DIXDC1: variants seen among roughly 807,000 people sequenced by gnomAD.
DIXDC1 encodes the protein dixin.
Under a neutral mutation model 103.1 loss-of-function variants are expected in DIXDC1, and 64 were observed. That is an observed-to-expected ratio of 0.62 (90% CI 0.51 to 0.76). DIXDC1 has a LOEUF of 0.76. Among genes scored for constraint, DIXDC1 ranks in the 30% least tolerant of loss-of-function variants. The pLI, the probability that DIXDC1 is intolerant of heterozygous loss-of-function variation, is 0.00. For missense variants in DIXDC1, 759 were observed against 834.2 expected (o/e 0.91, Z 1.11); for synonymous variants, 266 against 298.5 (o/e 0.89, Z 1.12).
At chr11:111,972,849 A>C (rs587767962) in intron 3 of DIXDC1, among the ~76,000 whole-genome samples, 1 of 151,882 alleles carries the variant, frequency 6.6e-6, no homozygotes, top group African/African-American at 2.4e-5. Context: ...ACTTGAGGTC[A>C]GGAGTTCAAG....
In DIXDC1 at chr11:112,019,794, A is replaced by C. The variant is rs1861702121; in HGVS notation, c.*758A>C. The stretch of plus-strand genomic sequence containing the variant: ...CTTTAGAGCCATTTCTTTTTCTTCA[A>C]ACTGATGAACTTTTGTTTGAAAGGC... On this transcript the variant is annotated 3_prime_UTR_variant, in exon 20 of 20. Transcript: ENST00000440460. 2 of 152,130 alleles carry C rather than the reference A, an allele frequency of 1.3e-5. No homozygotes were observed. The highest frequency in any genetic ancestry group is 2.9e-5 in the Non-Finnish European group (2 of 68,022). 9.4% of individuals were successfully genotyped at this position (152,130 alleles called of 1,614,324 possible). A position where few individuals can be genotyped will look rare whatever the true frequency, so the allele number is the denominator to read the frequency against.
At chr11:111,969,764 TC>T (rs1859853309) in intron 3 of DIXDC1, among the ~76,000 whole-genome samples, 1 of 152,190 alleles carries the variant, frequency 6.6e-6, no homozygotes, top group East Asian at 1.9e-4. Context: ...TGTGTTTAGA[TC>T]ATTTAGATGA....
chr11:111,975,752 G>T (rs935782675), intron 5 of DIXDC1: 1 of 985,212 alleles, frequency 1.0e-6, no homozygotes, highest in Non-Finnish European at 1.2e-6. Flanking sequence ...AGGGCTAATT[G>T]TTCCTTGTCT....
rs1380197617 is a variant in DIXDC1 at position 111,977,301 on chromosome 11, G to A, written c.656+2318G>A. ...CCAGGGAGGGAGCAGAGGGTGGGGC[G>A]GGGAGGGATCCGGAAGGTGGCACGG... On this transcript the variant is annotated intron_variant, in intron 5 of 19. Coordinates refer to ENST00000440460, the MANE Select transcript of DIXDC1 (RefSeq NM_001037954.4). The surrounding 1 kb of genome is among the most constrained non-coding windows in gnomAD (Gnocchi z 6.1). 3 of 1,041,980 alleles carry A rather than the reference G, an allele frequency of 2.9e-6. No individual in the cohort carries two copies. The highest frequency in any genetic ancestry group is 3.5e-6 in the Non-Finnish European group (3 of 865,802). The allele number at this position is 1,041,980 out of a possible 1,614,324, so 64.5% of individuals were successfully genotyped here. A position where few individuals can be genotyped will look rare whatever the true frequency, so the allele number is the denominator to read the frequency against.
chr11:111,950,081 C>T (rs1966728656), intron 1 of DIXDC1, among the ~76,000 whole-genome samples: 1 of 152,002 alleles, frequency 6.6e-6, no homozygotes, highest in Non-Finnish European at 1.5e-5. Context: ...TCTCTTGAGA[C>T]ACAATCTAGC....
chr11:111,929,791 G>A, intron 1 of DIXDC1: 3 of 1,392,698 alleles, frequency 2.2e-6, no homozygotes, highest in Non-Finnish European at 2.9e-6. Flanking sequence ...TTGTTATTTT[G>A]TACATTTCTT....
At chr11:112,008,024 G>A (rs1555176794) in intron 17 of DIXDC1, among the ~76,000 whole-genome samples, 3 of 151,566 alleles carry the variant, frequency 2.0e-5, no homozygotes, top group Non-Finnish European at 4.4e-5. Flanking sequence ...AAATTGGATA[G>A]AGTCAAACCC....
At chr11:111,955,612 A>C (rs1966899705) in intron 1 of DIXDC1, among the ~76,000 whole-genome samples, 1 of 151,726 alleles carries the variant, frequency 6.6e-6, no homozygotes, top group African/African-American at 2.4e-5. Context: ...AGGCGGGTGG[A>C]TCACTTAAGG....
chr11:111,993,676 T>C lies in DIXDC1; in HGVS notation c.1373T>C (p.Leu458Pro). The change falls in exon 14 of 20, where the codon CTA becomes CCA. Residue 458 changes from leucine to proline, a missense_variant. Leu to Pro is a moderately conservative substitution (Grantham distance 98). Around this residue, in one of 3 missense-constraint regions of DIXDC1, gnomAD observed 657 missense variants for 727.5 expected, o/e 0.90. Coordinates refer to ENST00000440460, the MANE Select transcript of DIXDC1 (RefSeq NM_001037954.4). ...TTAGTGTCTATTTTGCAGGTGGATCTAGAGCGAGAGCTAGAACACAAAGAT... is the reference window on the plus strand; with the variant it reads ...TTAGTGTCTATTTTGCAGGTGGATCCAGAGCGAGAGCTAGAACACAAAGAT... ...LSDVSYHQVDLERELEHKDVL... is the reference protein window; with the variant it reads ...LSDVSYHQVDPERELEHKDVL... The C allele has an allele frequency of 6.2e-7, 1 of 1,614,054 alleles. No individual in the cohort carries two copies. The highest frequency in any genetic ancestry group is 8.5e-7 in the Non-Finnish European group (1 of 1,179,896).
chr11:112,011,555 A>G (rs1344246370), intron 17 of DIXDC1, among the ~76,000 whole-genome samples: 4 of 152,208 alleles, frequency 2.6e-5, no homozygotes, highest in Non-Finnish European at 4.4e-5. Flanking sequence ...AACCAACCCA[A>G]ATGTCCATCA....
intron 7 of DIXDC1, among the ~76,000 whole-genome samples, chr11:111,983,736 A>C (rs1860400880): frequency 6.6e-6 from 1 of 152,240 alleles, no homozygotes; most frequent in Non-Finnish European, 1.5e-5. Flanking sequence ...ACAGAAAAAG[A>C]AGAGAAATGA....
At chr11:111,944,456 T>G (rs1426880395) in intron 1 of DIXDC1, among the ~76,000 whole-genome samples, 1 of 152,098 alleles carries the variant, frequency 6.6e-6, no homozygotes, top group Non-Finnish European at 1.5e-5. Flanking sequence ...TTGGAGGAGA[T>G]AGAGAACTGA....
intron 17 of DIXDC1, among the ~76,000 whole-genome samples, chr11:112,008,105 G>A (rs374635096): frequency 6.9e-6 from 1 of 144,610 alleles, no homozygotes; most frequent in African/African-American, 2.6e-5. Flanking sequence ...AAGGGATGGA[G>A]CAAGATCTAC....
In DIXDC1 at chr11:112,019,018, A is replaced by C. The variant is rs374233369; in HGVS notation, c.2034A>C (p.Glu678Asp). ...WEGKIVAWVE[E>D]DHGEN ...GGAAAATTGTAGCTTGGGTGGAAGAAGACCATGGAGAGAATTAATGCCAAG... is the reference window on the plus strand; with the variant it reads ...GGAAAATTGTAGCTTGGGTGGAAGACGACCATGGAGAGAATTAATGCCAAG... The change falls in exon 20 of 20, where the codon GAA (glutamate) becomes GAC (aspartate). Residue 678 changes from glutamate to aspartate, a missense_variant. Physicochemically the swap from Glu to Asp is conservative, Grantham distance 45. This residue lies in a region of DIXDC1 where 657 missense variants were observed against 727.5 expected (regional missense o/e 0.90). Coordinates refer to ENST00000440460, the MANE Select transcript of DIXDC1 (RefSeq NM_001037954.4). The C allele has an allele frequency of 2.5e-6, 4 of 1,613,184 alleles. No individual in the cohort carries two copies. The African/African-American group carries it at 4.0e-5, about 16-fold the overall frequency.
At chr11:111,946,825 G>A (rs1404105797) in intron 1 of DIXDC1, 4 of 431,290 alleles carry the variant, frequency 9.3e-6, no homozygotes, top group South Asian at 1.8e-5. Context: ...AGGGATTTGG[G>A]ACAGCCTAAT....
chr11:111,994,710 G>A (rs1216805289), intron 14 of DIXDC1, among the ~76,000 whole-genome samples: 2 of 152,220 alleles, frequency 1.3e-5, no homozygotes, highest in Non-Finnish European at 2.9e-5. Context: ...GCCAGGCAGT[G>A]CTGGAGCAGC....
At position 111,974,061 on chromosome 11, in the gene DIXDC1, G is replaced by T; in HGVS notation, c.355G>T (p.Val119Phe). 6.2e-7 allele frequency: 1 copy of T among 1,613,908 alleles called. No homozygotes were observed. The highest frequency in any genetic ancestry group is 1.1e-5 in the South Asian group (1 of 91,070). ...DGNLKSIMRL[V>F]LALAAHFKPG... ...AAACCTGAAGTCTATCATGAGGCTG[G>T]TCCTTGCCTTGGCAGCTCATTTCAA... The change falls in exon 4 of 20, where the codon GTC becomes TTC. Residue 119 changes from valine (V) to phenylalanine (F), a missense_variant. Physicochemically the swap from Val to Phe is conservative, Grantham distance 50 (BLOSUM62 -1). Transcript: ENST00000440460.
At chr11:111,935,119 A>C (rs587606274), upstream of DIXDC1, among the ~76,000 whole-genome samples, 6,547 of 152,282 alleles carry the variant, frequency 0.043, 502 homozygotes, top group African/African-American at 0.15. Flanking sequence ...GCCTTATAAT[A>C]CATTTTAAAA....
rs781863318 is a variant in DIXDC1 at position 111,998,893 on chromosome 11, A to G, written c.1756+2747A>G. Reference sequence around the variant, plus strand: ...CTCTCTGTAGGTCCCAAGGCACTGTAAAGTCATGTCCAAAACTGGACACAA... The same window carrying G: ...CTCTCTGTAGGTCCCAAGGCACTGTGAAGTCATGTCCAAAACTGGACACAA... On this transcript the variant is annotated intron_variant, in intron 17 of 19. Coordinates refer to ENST00000440460, the MANE Select transcript of DIXDC1 (RefSeq NM_001037954.4). The surrounding 1 kb of genome is among the most constrained non-coding windows in gnomAD (Gnocchi z 4.1). Among the ~76,000 whole-genome samples the G allele has an allele frequency of 6.6e-6, 1 of 152,258 alleles. No individual in the cohort carries two copies. The highest frequency in any genetic ancestry group is 2.4e-5 in the African/African-American group (1 of 41,474).
Sources: gnomAD v4.1 joint callset for allele counts (sites outside exome capture counted in the v4.1 genomes callset) on GRCh38, gnomAD v4.1.1 for gene constraint, gnomAD v4.1.1 regional missense constraint, Gnocchi (gnomAD v3.1) non-coding constraint, MANE v1.5 for transcripts, NCBI Gene and HGNC (gene_info 2026-07-23, HGNC 2026-07-21) for gene names.